The following SPACA3 variants were observed in gnomAD, a reference collection of about 807,000 sequenced individuals.
SPACA3 encodes sperm acrosome membrane-associated protein 3.
A neutral mutation model predicts 24.5 loss-of-function variants in SPACA3; 21 were observed. The ratio of observed to expected loss-of-function variants is 0.86; its 90% CI spans 0.61 to 1.24. SPACA3 has a LOEUF of 1.24. SPACA3 is among the 50% of genes most tolerant of loss of function. The probability of loss-of-function intolerance (pLI) is 0.00; values close to 1 mark genes in which losing one functional copy is unlikely to be tolerated. For synonymous variants in SPACA3, 115 were observed against 106.9 expected, an observed-to-expected ratio of 1.08 and a Z score of -0.47; for missense variants, 278 against 275.5, an observed-to-expected ratio of 1.01 and a Z score of -0.06.
At position 32,997,605 on chromosome 17, in the gene SPACA3, C is replaced by T. The variant is rs539801019; in HGVS notation, c.581+82C>T. ...CAGCAGGGAACAAACCCCTTTCCTT[C>T]CTCACTTCTGGTTTAGAGACCACAC... is the stretch of plus-strand genomic sequence containing the variant. On this transcript the variant is annotated intron_variant, in intron 4 of 4. Transcript: ENST00000269053. The T allele has an allele frequency of 4.5e-6, 7 of 1,545,430 alleles. No individual in the cohort carries two copies. In the African/African-American group the frequency reaches 8.2e-5, roughly 18 times the overall value.
chr17:32,996,416 G>A (rs2091722099), intron 2 of SPACA3, among the ~76,000 whole-genome samples: 1 of 151,524 alleles, frequency 6.6e-6, no homozygotes. Flanking sequence ...TTGAACCCGG[G>A]AGGCAGAGGT....
chr17:32,996,284 T>G (rs2091721208), intron 2 of SPACA3, among the ~76,000 whole-genome samples: 1 of 151,916 alleles, frequency 6.6e-6, no homozygotes, highest in Non-Finnish European at 1.5e-5. Flanking sequence ...AGGTCAGGAG[T>G]TCGAGACCAG....
At chr17:32,996,622 A>G (rs1007787409) in intron 2 of SPACA3, among the ~76,000 whole-genome samples, 6 of 152,186 alleles carry the variant, frequency 3.9e-5, no homozygotes, top group Non-Finnish European at 8.8e-5. Context: ...GCCAGCCCCA[A>G]CCCATGCTAT....
Position 32,997,641 on chromosome 17 carries a change from G to T in SPACA3, c.582-71G>T, listed in dbSNP as rs906286717. The T allele has an allele frequency of 4.5e-6, 7 of 1,567,378 alleles. No individual in the cohort carries two copies. The Admixed American group carries it at 6.7e-5, about 15-fold the overall frequency. On this transcript the variant is annotated intron_variant, in intron 4 of 4. Transcript: ENST00000269053. ...GTTTAGAGACCACACTCTCCTTCTT[G>T]TTCTTCTCTGGGCGGTGACTGGCAA...
Position 32,997,478 on chromosome 17 carries a change from T to C in SPACA3, c.536T>C (p.Ile179Thr). Residue 179 changes from isoleucine to threonine, a missense_variant, in exon 4 of 5, where the codon ATC becomes ACC. Physicochemically the swap from Ile to Thr is moderately conservative, Grantham distance 89. Coordinates refer to ENST00000269053, the MANE Select transcript of SPACA3 (RefSeq NM_173847.5). ...LLNPNLKDTVICAMKITQEPQ... is the reference protein window; with the variant it reads ...LLNPNLKDTVTCAMKITQEPQ... ...AATCCTAATCTCAAGGATACCGTTA[T>C]CTGTGCCATGAAGATAACCCAAGAG... 1 of 1,614,152 alleles carries C rather than the reference T, an allele frequency of 6.2e-7. No individual in the cohort carries two copies. The highest frequency in any genetic ancestry group is 8.5e-7 in the Non-Finnish European group (1 of 1,180,016).
At chr17:32,997,077 C>T in intron 3 of SPACA3, 76 bp downstream of exon 3, 2 of 1,450,350 alleles carry the variant, frequency 1.4e-6, no homozygotes, top group Non-Finnish European at 1.8e-6. Flanking sequence ...GTTTAGTTTG[C>T]TACCCCCATC....
At chr17:32,996,599 C>T (rs533902375) in intron 2 of SPACA3, among the ~76,000 whole-genome samples, 1 of 152,114 alleles carries the variant, frequency 6.6e-6, no homozygotes, top group Admixed American at 6.5e-5. Flanking sequence ...GGCTAAAAGT[C>T]AAGAGGCCTG....
intron 1 of SPACA3, among the ~76,000 whole-genome samples, chr17:32,993,879 G>T (rs533197853): frequency 6.6e-6 from 1 of 152,058 alleles, no homozygotes. Context: ...ATGGAGCAAG[G>T]CTTGGTGATG....
rs369944918 is a variant in SPACA3, at chr17:32,995,505, G to A, written c.131G>A (p.Gly44Asp). ...CAAAGCTCAGCTCTGAGCCAGAGTG[G>A]TGGTGGCTCCACCTCTGCCGCCGGC... is the stretch of plus-strand genomic sequence containing the variant. ...SSQSSALSQSGGGSTSAAGIE... is the reference protein window; with the variant it reads ...SSQSSALSQSDGGSTSAAGIE... The change falls in exon 2 of 5, where the codon GGT becomes GAT. Residue 44 changes from glycine to aspartate, a missense_variant. By Grantham distance (94) the Gly-to-Asp change is moderately conservative. Coordinates refer to ENST00000269053, the MANE Select transcript of SPACA3 (RefSeq NM_173847.5). 1.7e-5 allele frequency: 27 copies of A among 1,614,098 alleles called. No individual in the cohort carries two copies. The African/African-American group carries it at 2.9e-4, about 18-fold the overall frequency.
At chr17:32,993,081 C>A (rs912109013) in intron 1 of SPACA3, 1 of 386,522 alleles carries the variant, frequency 2.6e-6, no homozygotes, top group African/African-American at 2.1e-5. Context: ...TTGGTTGGAA[C>A]TGGGTGAAAG....
Position 32,991,859 on chromosome 17 carries a change from C to T in SPACA3, c.-80C>T, listed in dbSNP as rs2151126735. On this transcript the variant is annotated 5_prime_UTR_variant, in exon 1 of 5. Coordinates refer to ENST00000269053, the MANE Select transcript of SPACA3 (RefSeq NM_173847.5). ...CCATTGTTCTCTTAACACTGGGTGC[C>T]TGGGGCCCTGGCAAGGTTGTGGGGG... The T allele has an allele frequency of 1.1e-5, 18 of 1,602,548 alleles. No individual in the cohort carries two copies. Among genetic ancestry groups the T allele is most frequent in the Non-Finnish European group, 1.5e-5 (17 of 1,170,300 alleles).
intron 1 of SPACA3, 32 bp from the exon 2 acceptor site, chr17:32,995,377 G>GCCCACCCCTTCTCTCCTCTC (rs1567711463): frequency 1.9e-6 from 3 of 1,559,092 alleles, no homozygotes; most frequent in Non-Finnish European, 2.6e-6. Flanking sequence ...CTGGCCTTCT[G>GCCCACCCCTTCTCTCCTCTC]CCCACCCCTT....
At chr17:32,997,331 G>GTC in intron 3 of SPACA3, 114 bp from the exon 4 acceptor site, 1 of 773,946 alleles carries the variant, frequency 1.3e-6, no homozygotes, top group Non-Finnish European at 2.1e-6. Context: ...GTGTGTGTGT[G>GTC]TGTGTGTGTG....
Position 32,993,556 on chromosome 17 carries a change from C to T in SPACA3, c.34+1584C>T, listed in dbSNP as rs780142746. 3.9e-5 allele frequency among the ~76,000 whole-genome samples: 6 copies of T among 152,070 alleles called. No homozygotes were observed. The East Asian group carries it at 5.8e-4, about 15-fold the overall frequency. On this transcript the variant is annotated intron_variant, in intron 1 of 4. Coordinates refer to ENST00000269053, the MANE Select transcript of SPACA3 (RefSeq NM_173847.5). ...AAGCCTTTCAACAGCGGGTGGCGGA[C>T]GGCATGAGTACAGCTGAGAGCTCCC...
chr17:32,995,283 A>C (rs2091714624), intron 1 of SPACA3, 126 bp from the exon 2 acceptor site: 1 of 834,190 alleles, frequency 1.2e-6, no homozygotes, highest in Non-Finnish European at 1.9e-6. Context: ...GGTGTGAAGC[A>C]GGATGGGGAA....
chr17:32,995,355 T>C, intron 1 of SPACA3, 54 bp from the exon 2 acceptor site: 3 of 1,517,444 alleles, frequency 2.0e-6, no homozygotes, highest in Non-Finnish European at 2.7e-6. Flanking sequence ...GGCTGATACG[T>C]GCTGCTGGAG....
At position 32,997,474 on chromosome 17, in the gene SPACA3, G is replaced by C; in HGVS notation, c.532G>C (p.Val178Leu). 1 of 1,614,030 alleles carries C rather than the reference G, an allele frequency of 6.2e-7. No individual in the cohort carries two copies. The change falls in exon 4 of 5, where the codon GTT (valine) becomes CTT (leucine). Residue 178 changes from valine (V) to leucine (L), a missense_variant. Physicochemically the swap from Val to Leu is conservative, Grantham distance 32. Coordinates refer to ENST00000269053, the MANE Select transcript of SPACA3 (RefSeq NM_173847.5). ...GTTGAATCCTAATCTCAAGGATACC[G>C]TTATCTGTGCCATGAAGATAACCCA... ...DLLNPNLKDTVICAMKITQEP... is the reference protein window; with the variant it reads ...DLLNPNLKDTLICAMKITQEP...
At position 32,993,437 on chromosome 17, in the gene SPACA3, C is replaced by A. The variant is rs2091703135; in HGVS notation, c.34+1465C>A. 2.6e-5 allele frequency among the ~76,000 whole-genome samples: 4 copies of A among 152,032 alleles called. No individual in the cohort carries two copies. In the South Asian group the frequency reaches 8.3e-4, roughly 31 times the overall value. Reference sequence around the variant, plus strand: ...AGCATATCAGCGTTTATGGCCTGGGCAGAAGTGAATTCCACGGAGGATAAG... The same window carrying A: ...AGCATATCAGCGTTTATGGCCTGGGAAGAAGTGAATTCCACGGAGGATAAG... On this transcript the variant is annotated intron_variant, in intron 1 of 4. Transcript: ENST00000269053.
chr17:32,992,583 T>G (rs144775151), intron 1 of SPACA3, among the ~76,000 whole-genome samples: 3 of 152,344 alleles, frequency 2.0e-5, no homozygotes, highest in Non-Finnish European at 2.9e-5. Flanking sequence ...TGACATCTAT[T>G]CCAGCCTCGT....
Sources: gnomAD v4.1 joint callset for allele counts (sites outside exome capture counted in the v4.1 genomes callset) on GRCh38, gnomAD v4.1.1 for gene constraint, MANE v1.5 for transcripts, NCBI Gene and HGNC (gene_info 2026-07-23, HGNC 2026-07-21) for gene names.